SCFD2: variants seen among roughly 807,000 people sequenced by gnomAD.
SCFD2 encodes the protein sec1 family domain containing 2.
SCFD2 carries 54 observed loss-of-function variants against 58.9 expected under a neutral mutation model. That is an observed-to-expected ratio of 0.92 (90% CI 0.74 to 1.15). The LOEUF (loss-of-function observed/expected upper bound fraction) is 1.15. Among genes scored for constraint, SCFD2 ranks in the 50% most tolerant of loss-of-function variants. The pLI, the probability that SCFD2 is intolerant of heterozygous loss-of-function variation, is 0.00. For synonymous variants in SCFD2, 321 were observed against 335.9 expected (o/e 0.96, Z 0.49); for missense variants, 805 against 836.6 (o/e 0.96, Z 0.47).
At chr4:53,315,246 C>CAA (rs72060767) in intron 2 of SCFD2, among the ~76,000 whole-genome samples, 1,707 of 79,510 alleles carry the variant, frequency 0.021, 37 homozygotes, top group African/African-American at 0.075. Context: ...AGGAAAATGG[C>CAA]AAAAAAAAAA....
intron 5 of SCFD2, among the ~76,000 whole-genome samples, chr4:53,099,582 A>AAGGTGAAGGGGAGCCAGC (rs1226100331): frequency 3.9e-4 from 59 of 152,178 alleles, no homozygotes; most frequent in Non-Finnish European, 2.9e-5. Context: ...TTCATGGTGG[A>AAGGTGAAGGGGAGCCAGC]AGGTGAAGGG....
In SCFD2 at chr4:53,365,509, CCATCCATTCACA is replaced by C; in HGVS notation, c.421_432del (p.Cys141_Met144del). ...ACCTCGGCCGTGTAGTTCATGTTGC[CCATCCATTCACA>C]CAGCTTCTCCTCCAGCTGCTCGAAC... On this transcript the variant is annotated inframe_deletion, in exon 1 of 9. Transcript: ENST00000401642. This position sits in a 1 kb window ranked among gnomAD's most constrained non-coding sequence, Gnocchi z 4.3. The C allele has an allele frequency of 6.2e-7, 1 of 1,614,156 alleles. No homozygotes were observed.
chr4:53,279,334 T>C (rs1301076343), intron 3 of SCFD2, among the ~76,000 whole-genome samples: 2 of 152,162 alleles, frequency 1.3e-5, no homozygotes, highest in African/African-American at 4.8e-5. Context: ...GTTGCCCAGG[T>C]TGGTATCAAA....
At chr4:53,007,520 A>G (rs765205454) in intron 5 of SCFD2, among the ~76,000 whole-genome samples, 1 of 152,118 alleles carries the variant, frequency 6.6e-6, no homozygotes, top group Non-Finnish European at 1.5e-5. Flanking sequence ...AGTTAAGAGC[A>G]TGGATTCTGG....
At chr4:53,211,166 C>A (rs919434661) in intron 4 of SCFD2, among the ~76,000 whole-genome samples, 7 of 151,780 alleles carry the variant, frequency 4.6e-5, no homozygotes, top group African/African-American at 1.7e-4. Flanking sequence ...TCGTTTGAAC[C>A]CGGGGGGCGG....
intron 5 of SCFD2, among the ~76,000 whole-genome samples, chr4:53,127,439 G>A (rs141751559): frequency 6.6e-6 from 1 of 152,258 alleles, no homozygotes; most frequent in East Asian, 1.9e-4. Flanking sequence ...AGCACAACTG[G>A]TGCTTGAGAT....
intron 5 of SCFD2, among the ~76,000 whole-genome samples, chr4:53,116,503 G>A (rs186943987): frequency 1.1e-3 from 173 of 152,280 alleles, no homozygotes; most frequent in Non-Finnish European, 2.0e-3. Flanking sequence ...CCTAACTTCA[G>A]GGGACAGAGA....
intron 7 of SCFD2, among the ~76,000 whole-genome samples, chr4:52,895,328 T>TACCCCA (rs1718979613): frequency 6.6e-6 from 1 of 152,022 alleles, no homozygotes; most frequent in Non-Finnish European, 1.5e-5. Context: ...CCCCTACCCC[T>TACCCCA]ACCCCACAAC....
intron 5 of SCFD2, chr4:52,957,923 C>A (rs1360305088): frequency 6.6e-6 from 1 of 152,188 alleles, no homozygotes; most frequent in Non-Finnish European, 1.5e-5. Flanking sequence ...GCAAGGGCTG[C>A]TCTTTATTAA....
chr4:53,242,394 A>T (rs992813046), intron 4 of SCFD2, among the ~76,000 whole-genome samples: 1 of 152,202 alleles, frequency 6.6e-6, no homozygotes, highest in African/African-American at 2.4e-5. Context: ...AAAATCTTCC[A>T]GAAAGGAAGC....
rs1423674852 is a variant in SCFD2 at position 53,126,386 on chromosome 4, G to C, written c.1561+18947C>G. Among the ~76,000 whole-genome samples, 5 of 152,274 alleles carry C rather than the reference G, an allele frequency of 3.3e-5. No individual in the cohort carries two copies. In the East Asian group the frequency reaches 9.7e-4, roughly 29 times the overall value. ...CTGGAAGTGCAGTGGCGTGATCTCGGCTCACTGCAAACTCCGCCTCCTGGA... is the reference window on the plus strand; with the variant it reads ...CTGGAAGTGCAGTGGCGTGATCTCGCCTCACTGCAAACTCCGCCTCCTGGA... On this transcript the variant is annotated intron_variant, in intron 5 of 8. Transcript: ENST00000401642.
intron 5 of SCFD2, among the ~76,000 whole-genome samples, chr4:53,002,306 G>A (rs988672158): frequency 7.2e-5 from 11 of 152,162 alleles, no homozygotes; most frequent in African/African-American, 2.7e-4. Context: ...GGGAGCAAGA[G>A]GTGAGGATAT....
intron 6 of SCFD2, among the ~76,000 whole-genome samples, chr4:52,915,764 G>A (rs1719587536): frequency 6.6e-6 from 1 of 152,180 alleles, no homozygotes; most frequent in Admixed American, 6.5e-5. Context: ...CAAGTTTCCT[G>A]GCCCTCAATT....
intron 5 of SCFD2, among the ~76,000 whole-genome samples, chr4:53,059,295 G>A (rs1723436239): frequency 6.6e-6 from 1 of 152,150 alleles, no homozygotes; most frequent in Non-Finnish European, 1.5e-5. Flanking sequence ...TACAGATGAA[G>A]ATCTGTAGTG....
At chr4:53,328,122 G>A (rs1181405603) in intron 2 of SCFD2, among the ~76,000 whole-genome samples, 10 of 144,302 alleles carry the variant, frequency 6.9e-5, no homozygotes, top group South Asian at 2.4e-4. Context: ...GTGACAGAGC[G>A]AGACTCTGTC....
intron 2 of SCFD2, among the ~76,000 whole-genome samples, chr4:53,343,606 G>T (rs1733959133): frequency 6.6e-6 from 1 of 152,174 alleles, no homozygotes. Flanking sequence ...CATTTTATGA[G>T]GCCAGCATCA....
At chr4:52,943,367 G>T (rs374637629) in intron 5 of SCFD2, among the ~76,000 whole-genome samples, 12 of 152,276 alleles carry the variant, frequency 7.9e-5, no homozygotes, top group African/African-American at 2.9e-4. Context: ...AATTAATAAA[G>T]AACATAAATT....
intron 4 of SCFD2, among the ~76,000 whole-genome samples, chr4:53,178,890 C>T (rs1376902029): frequency 1.3e-5 from 2 of 152,046 alleles, no homozygotes; most frequent in Admixed American, 6.6e-5. Flanking sequence ...AACTGGAAGA[C>T]AGGGTATCAG....
intron 5 of SCFD2, among the ~76,000 whole-genome samples, chr4:53,084,598 T>C (rs1724249027): frequency 6.6e-6 from 1 of 152,188 alleles, no homozygotes. Context: ...AACTGATAAA[T>C]GTCCATATTA....
Sources: gnomAD v4.1 joint callset for allele counts (sites outside exome capture counted in the v4.1 genomes callset) on GRCh38, gnomAD v4.1.1 for gene constraint, Gnocchi (gnomAD v3.1) non-coding constraint, MANE v1.5 for transcripts, NCBI Gene and HGNC (gene_info 2026-07-23, HGNC 2026-07-21) for gene names.